Variants in CTNND2 observed in about 807,000 individuals in gnomAD.
CTNND2 encodes the protein catenin delta 2, also known as catenin delta-2.
In CTNND2, 22 loss-of-function variants were observed where a neutral mutation model predicts 144.4. The observed-to-expected ratio is 0.15, with a 90% CI of 0.11 to 0.22. CTNND2 has a LOEUF of 0.22. Among genes scored for constraint, CTNND2 ranks in the 10% least tolerant of loss-of-function variants. The pLI is 1.00. For missense variants in CTNND2, 1,353 were observed against 1,618.8 expected, an observed-to-expected ratio of 0.84 and a Z score of 2.82; for synonymous variants, 751 against 695.6, an observed-to-expected ratio of 1.08 and a Z score of -1.25.
intron 3 of CTNND2, among the ~76,000 whole-genome samples, chr5:11,467,252 C>T (rs1188568739): frequency 6.6e-6 from 1 of 152,238 alleles, no homozygotes; most frequent in Non-Finnish European, 1.5e-5. Flanking sequence ...TGCCCGACCC[C>T]AGGCGTGATG....
At chr5:11,857,536 A>T (rs1231344258) in intron 1 of CTNND2, among the ~76,000 whole-genome samples, 2 of 152,196 alleles carry the variant, frequency 1.3e-5, no homozygotes, top group African/African-American at 4.8e-5. Flanking sequence ...CCTGTGTCCT[A>T]ATGAGGCCTG....
At position 11,248,583 on chromosome 5, in the gene CTNND2, G is replaced by C. The variant is rs192271153; in HGVS notation, c.1629-11760C>G. Among the ~76,000 whole-genome samples the C allele has an allele frequency of 3.5e-3, 526 of 152,200 alleles. 8 individuals carry two copies. The highest frequency in any genetic ancestry group is 0.032 in the Admixed American group (491 of 15,280). On this transcript the variant is annotated intron_variant, in intron 9 of 21. Transcript: ENST00000304623. ...TAGAGCACACTTTCTTATAAATTAG[G>C]TAACCATACCACTTGACAATTGTCC...
intron 1 of CTNND2, among the ~76,000 whole-genome samples, chr5:11,796,094 A>G (rs1293005778): frequency 1.3e-5 from 2 of 152,196 alleles, no homozygotes; most frequent in East Asian, 3.9e-4. Context: ...CCATCTGTAC[A>G]GACACACCCA....
chr5:11,198,006 T>C (rs998124769), intron 11 of CTNND2, among the ~76,000 whole-genome samples: 2 of 152,218 alleles, frequency 1.3e-5, no homozygotes, highest in Admixed American at 6.5e-5. Flanking sequence ...CATGTATCTG[T>C]TGGTGGAGTC....
intron 9 of CTNND2, among the ~76,000 whole-genome samples, chr5:11,261,528 T>A (rs1308332454): frequency 6.6e-6 from 1 of 152,196 alleles, no homozygotes; most frequent in African/African-American, 2.4e-5. Context: ...ACTTAGCATT[T>A]TTATTTGGCC....
intron 1 of CTNND2, among the ~76,000 whole-genome samples, chr5:11,825,517 G>A (rs1306185756): frequency 1.3e-5 from 2 of 152,080 alleles, no homozygotes; most frequent in Non-Finnish European, 2.9e-5. Context: ...GAATGAGGCA[G>A]AAGAACTATG....
intron 1 of CTNND2, among the ~76,000 whole-genome samples, chr5:11,888,485 T>C (rs13154443): frequency 6.6e-6 from 1 of 152,138 alleles, no homozygotes; most frequent in African/African-American, 2.4e-5. Flanking sequence ...CACATCTCCC[T>C]TAGTATTTGA....
intron 2 of CTNND2, among the ~76,000 whole-genome samples, chr5:11,633,273 G>A (rs1334971700): frequency 6.6e-6 from 1 of 152,102 alleles, no homozygotes; most frequent in African/African-American, 2.4e-5. Flanking sequence ...CTTAACAAGA[G>A]AATGCCAACA....
At chr5:11,606,570 C>T (rs561955884) in intron 2 of CTNND2, among the ~76,000 whole-genome samples, 15 of 152,164 alleles carry the variant, frequency 9.9e-5, no homozygotes, top group East Asian at 5.8e-4. Context: ...GTTTTGAACA[C>T]GTGAAGCTTG....
chr5:11,018,942 C>A (rs1400876222), intron 17 of CTNND2, among the ~76,000 whole-genome samples: 1 of 151,950 alleles, frequency 6.6e-6, no homozygotes, highest in African/African-American at 2.4e-5. Flanking sequence ...CTCCTGACCT[C>A]GTGATCCACC....
intron 11 of CTNND2, among the ~76,000 whole-genome samples, chr5:11,170,752 T>C (rs1759824846): frequency 6.6e-6 from 1 of 152,210 alleles, no homozygotes; most frequent in African/African-American, 2.4e-5. Flanking sequence ...ACTGTATTAG[T>C]CCATTTTCAT....
chr5:11,843,756 T>A (rs565029593), intron 1 of CTNND2, among the ~76,000 whole-genome samples: 1 of 152,222 alleles, frequency 6.6e-6, no homozygotes, highest in Admixed American at 6.5e-5. Context: ...TTATTTATGA[T>A]CCTAGGAAAT....
At chr5:11,726,922 T>C (rs10074002) in intron 2 of CTNND2, among the ~76,000 whole-genome samples, 8,333 of 152,180 alleles carry the variant, frequency 0.055, 768 homozygotes, top group African/African-American at 0.19. Flanking sequence ...AAGGAAAATA[T>C]TAAGTTTCAG....
chr5:11,480,825 G>A (rs552862327), intron 3 of CTNND2, among the ~76,000 whole-genome samples: 17 of 152,218 alleles, frequency 1.1e-4, no homozygotes, highest in African/African-American at 4.1e-4. Context: ...AAAACCTGCA[G>A]GATGTAGAAA....
intron 3 of CTNND2, among the ~76,000 whole-genome samples, chr5:11,560,232 C>A (rs972480158): frequency 6.6e-6 from 1 of 152,188 alleles, no homozygotes; most frequent in African/African-American, 2.4e-5. Flanking sequence ...AAATCATCAT[C>A]ATTTTCATCA....
Position 11,444,615 on chromosome 5 carries a change from T to C in CTNND2, c.288-32546A>G, listed in dbSNP as rs533814783. 1.2e-4 allele frequency among the ~76,000 whole-genome samples: 18 copies of C among 152,246 alleles called. No homozygotes were observed. The East Asian group carries it at 2.5e-3, about 21-fold the overall frequency. On this transcript the variant is annotated intron_variant, in intron 3 of 21. Transcript: ENST00000304623. Reference sequence around the variant, plus strand: ...TACTTGGGAGGCTGAAGCACAAGAATTGCTTGAACCCAGGAGGCAGAGGTT... The same window carrying C: ...TACTTGGGAGGCTGAAGCACAAGAACTGCTTGAACCCAGGAGGCAGAGGTT...
At chr5:11,804,372 T>C (rs1791880671) in intron 1 of CTNND2, among the ~76,000 whole-genome samples, 1 of 152,154 alleles carries the variant, frequency 6.6e-6, no homozygotes, top group Non-Finnish European at 1.5e-5. Flanking sequence ...CCAACTTATT[T>C]GAAAATATGT....
At chr5:11,521,971 T>C (rs910167598) in intron 3 of CTNND2, among the ~76,000 whole-genome samples, 1 of 152,184 alleles carries the variant, frequency 6.6e-6, no homozygotes, top group African/African-American at 2.4e-5. Flanking sequence ...GCAACCTATA[T>C]AGTCTATCCA....
chr5:11,313,974 C>T (rs1378694029), intron 9 of CTNND2, among the ~76,000 whole-genome samples: 2 of 152,116 alleles, frequency 1.3e-5, no homozygotes, highest in African/African-American at 2.4e-5. Flanking sequence ...ACTAGAACAG[C>T]AAGGGGGAAA....
Sources: gnomAD v4.1 joint callset for allele counts (sites outside exome capture counted in the v4.1 genomes callset) on GRCh38, gnomAD v4.1.1 for gene constraint, MANE v1.5 for transcripts, NCBI Gene and HGNC (gene_info 2026-07-23, HGNC 2026-07-21) for gene names.